CSMD2: variants seen among roughly 807,000 people sequenced by gnomAD.
CSMD2 encodes the protein CUB and sushi domain-containing protein 2.
Under a neutral mutation model 398.5 loss-of-function variants are expected in CSMD2, and 130 were observed. The observed-to-expected ratio is 0.33, with a 90% CI of 0.28 to 0.38. The LOEUF (loss-of-function observed/expected upper bound fraction) is 0.38, where lower values mean the gene tolerates loss of function less well. CSMD2 is among the 10% of genes least tolerant of loss of function. The probability of loss-of-function intolerance (pLI) is 1.00; values close to 1 mark genes in which losing one functional copy is unlikely to be tolerated. For missense variants in CSMD2, 3,829 were observed against 4,764.9 expected (o/e 0.80, Z 5.78); for synonymous variants, 1,828 against 1,908.5 (o/e 0.96, Z 1.10).
intron 1 of CSMD2, among the ~76,000 whole-genome samples, chr1:34,091,724 A>C (rs1313053596): frequency 6.6e-6 from 1 of 152,216 alleles, no homozygotes; most frequent in Non-Finnish European, 1.5e-5. Context: ...AACCCTGATT[A>C]AAATAAGCAT....
At chr1:34,056,961 T>G (rs1306911402) in intron 2 of CSMD2, among the ~76,000 whole-genome samples, 1 of 152,186 alleles carries the variant, frequency 6.6e-6, no homozygotes, top group African/African-American at 2.4e-5. Context: ...GTCATCCTAT[T>G]ACAGGAAGAA....
At chr1:34,150,080 TTTTTTTTTTG>T (rs1640156842) in intron 1 of CSMD2, among the ~76,000 whole-genome samples, 1 of 126,650 alleles carries the variant, frequency 7.9e-6, no homozygotes, top group Non-Finnish European at 1.6e-5. Context: ...TTCTTCTTTC[TTTTTTTTTTG>T]TTTTTTTTTG....
chr1:33,948,478 C>T (rs1374610331), intron 3 of CSMD2, among the ~76,000 whole-genome samples: 1 of 152,188 alleles, frequency 6.6e-6, no homozygotes, highest in East Asian at 1.9e-4. Context: ...CATTCTCATA[C>T]ACATAAACAT....
rs534419724 is a variant in CSMD2 at position 33,808,784 on chromosome 1, A to G, written c.1446+1959T>C. 3.3e-5 allele frequency among the ~76,000 whole-genome samples: 5 copies of G among 152,100 alleles called. No homozygotes were observed. The East Asian group carries it at 7.7e-4, about 23-fold the overall frequency. On this transcript the variant is annotated intron_variant, in intron 10 of 70. Transcript: ENST00000373381. ...AAATAAATATATTAAAAGGAATAGT[A>G]AGAAAACAAAAATTCATTTTCTGGA...
chr1:33,797,898 T>G (rs1655134779), intron 10 of CSMD2, among the ~76,000 whole-genome samples: 1 of 152,158 alleles, frequency 6.6e-6, no homozygotes, highest in Non-Finnish European at 1.5e-5. Context: ...AAAATATTGC[T>G]TTGAAGGCCA....
chr1:34,006,084 C>T (rs9425979), intron 3 of CSMD2, among the ~76,000 whole-genome samples: 3,814 of 152,216 alleles, frequency 0.025, 159 homozygotes, highest in African/African-American at 0.085. Context: ...GTCCATTTGC[C>T]CTCACTACCA....
At chr1:34,158,546 C>T (rs1275309671) in intron 1 of CSMD2, among the ~76,000 whole-genome samples, 2 of 152,122 alleles carry the variant, frequency 1.3e-5, no homozygotes, top group Admixed American at 6.5e-5. Flanking sequence ...GTGCTTTCAG[C>T]CAGAGGAGCA....
intron 25 of CSMD2, among the ~76,000 whole-genome samples, chr1:33,663,701 A>G (rs2149003440): frequency 6.6e-6 from 1 of 152,352 alleles, no homozygotes; most frequent in African/African-American, 2.4e-5. Context: ...GGGGGTCTGC[A>G]GGACAGAGAT....
At chr1:33,751,005 T>C (rs190403670) in intron 13 of CSMD2, among the ~76,000 whole-genome samples, 8 of 152,192 alleles carry the variant, frequency 5.3e-5, no homozygotes, top group African/African-American at 1.9e-4. Flanking sequence ...TATGTGCAAG[T>C]TACTACATTT....
intron 13 of CSMD2, among the ~76,000 whole-genome samples, chr1:33,744,159 TGTAGA>T (rs1203616782): frequency 1.3e-5 from 2 of 152,136 alleles, no homozygotes; most frequent in Admixed American, 1.3e-4. Context: ...CAAGCCTAAG[TGTAGA>T]GTCACAGTCC....
intron 10 of CSMD2, among the ~76,000 whole-genome samples, chr1:33,797,989 A>G (rs1655144694): frequency 6.6e-6 from 1 of 152,232 alleles, no homozygotes; most frequent in Non-Finnish European, 1.5e-5. Flanking sequence ...GCCGACCCTG[A>G]TGCAGGAGCT....
At chr1:33,800,364 C>A (rs1422157907) in intron 10 of CSMD2, among the ~76,000 whole-genome samples, 2 of 152,142 alleles carry the variant, frequency 1.3e-5, no homozygotes, top group Non-Finnish European at 2.9e-5. Context: ...AGGCCTCCAG[C>A]AGGTACTAAG....
intron 1 of CSMD2, among the ~76,000 whole-genome samples, chr1:34,107,355 G>A (rs987005608): frequency 6.6e-6 from 1 of 152,042 alleles, no homozygotes; most frequent in Non-Finnish European, 1.5e-5. Flanking sequence ...GGAGCTTACG[G>A]TATAATAATA....
Position 34,000,268 on chromosome 1 carries a change from C to T in CSMD2, c.517+32326G>A, listed in dbSNP as rs371235228. On this transcript the variant is annotated intron_variant, in intron 3 of 70. Coordinates refer to ENST00000373381, the MANE Select transcript of CSMD2 (RefSeq NM_001281956.2). ...ATGTGGACCAGCCATGGGAGTGTCC[C>T]GCGGAAACCTCTTCAGCATTTCAAG... Among the ~76,000 whole-genome samples the T allele has an allele frequency of 6.6e-4, 101 of 152,052 alleles. 2 individuals carry two copies. In the South Asian group the frequency reaches 0.017, roughly 25 times the overall value.
chr1:33,768,943 G>C (rs930199343), intron 13 of CSMD2, among the ~76,000 whole-genome samples: 1 of 152,200 alleles, frequency 6.6e-6, no homozygotes, highest in African/African-American at 2.4e-5. Flanking sequence ...AATGGCAAAG[G>C]AAAGTGTGCA....
At chr1:34,101,161 G>A (rs1394417320) in intron 1 of CSMD2, among the ~76,000 whole-genome samples, 2 of 152,220 alleles carry the variant, frequency 1.3e-5, no homozygotes, top group East Asian at 3.9e-4. Context: ...CACTTCTAGT[G>A]ACTGATGTTC....
intron 5 of CSMD2, chr1:33,860,575 A>AG (rs1176015379): frequency 7.2e-5 from 11 of 152,108 alleles, no homozygotes; most frequent in Admixed American, 7.2e-4. Flanking sequence ...CACACTGGAG[A>AG]GGGGGAGTGC....
intron 25 of CSMD2, among the ~76,000 whole-genome samples, chr1:33,673,219 A>AT (rs1369606128): frequency 1.3e-5 from 2 of 152,214 alleles, no homozygotes; most frequent in African/African-American, 4.8e-5. Flanking sequence ...CTTGAAAAAA[A>AT]TTAGACGAAT....
chr1:33,785,932 C>A (rs991431528), intron 12 of CSMD2, among the ~76,000 whole-genome samples: 1 of 152,182 alleles, frequency 6.6e-6, no homozygotes, highest in Non-Finnish European at 1.5e-5. Flanking sequence ...CATAAACATT[C>A]GGGGGCCATC....
Sources: gnomAD v4.1 joint callset for allele counts (sites outside exome capture counted in the v4.1 genomes callset) on GRCh38, gnomAD v4.1.1 for gene constraint, MANE v1.5 for transcripts, NCBI Gene and HGNC (gene_info 2026-07-23, HGNC 2026-07-21) for gene names.